Variants in AKAP6 observed in about 807,000 individuals in gnomAD.
The protein encoded by AKAP6 is A-kinase anchor protein 6.
In AKAP6, 58 loss-of-function variants were observed where a neutral mutation model predicts 188.5. The ratio of observed to expected loss-of-function variants is 0.31; its 90% CI spans 0.25 to 0.38. The LOEUF (loss-of-function observed/expected upper bound fraction) is 0.38. AKAP6 is among the 10% of genes least tolerant of loss of function. AKAP6 has a pLI of 1.00. For missense variants in AKAP6, 2,710 were observed against 2,740.0 expected (o/e 0.99, Z 0.24); for synonymous variants, 989 against 998.6 (o/e 0.99, Z 0.18).
At chr14:32,513,499 C>G (rs1020031546) in intron 2 of AKAP6, among the ~76,000 whole-genome samples, 1 of 152,118 alleles carries the variant, frequency 6.6e-6, no homozygotes, top group Non-Finnish European at 1.5e-5. Flanking sequence ...GAGATCCCTG[C>G]TTACACAAAA....
chr14:32,803,293 A>AC (rs1491460193), intron 12 of AKAP6, among the ~76,000 whole-genome samples: 3 of 74,950 alleles, frequency 4.0e-5, no homozygotes, highest in African/African-American at 7.0e-5. Context: ...AAAAAAAAAC[A>AC]AAACAAATAT....
intron 2 of AKAP6, among the ~76,000 whole-genome samples, chr14:32,488,588 C>T (rs1381603678): frequency 1.3e-5 from 2 of 152,166 alleles, no homozygotes; most frequent in Non-Finnish European, 2.9e-5. Flanking sequence ...TGAAAAGAAA[C>T]TCCTGCAGCT....
chr14:32,620,483 G>A (rs1293980923), intron 7 of AKAP6, among the ~76,000 whole-genome samples: 2 of 151,968 alleles, frequency 1.3e-5, no homozygotes, highest in Admixed American at 6.6e-5. Context: ...ACTTGTGTAT[G>A]TTGAATCATC....
At chr14:32,550,935 A>G (rs1216808496) in intron 4 of AKAP6, among the ~76,000 whole-genome samples, 3 of 152,090 alleles carry the variant, frequency 2.0e-5, no homozygotes, top group Admixed American at 2.0e-4. Flanking sequence ...ACTACAGTCT[A>G]TTTCCAATAG....
chr14:32,627,007 C>G (rs191253782), intron 7 of AKAP6, among the ~76,000 whole-genome samples: 1 of 152,238 alleles, frequency 6.6e-6, no homozygotes, highest in Non-Finnish European at 1.5e-5. Flanking sequence ...CTTAATTTCC[C>G]TACATTTGTG....
chr14:32,777,828 A>G (rs1271075469), intron 12 of AKAP6, among the ~76,000 whole-genome samples: 3 of 152,172 alleles, frequency 2.0e-5, no homozygotes, highest in Non-Finnish European at 4.4e-5. Flanking sequence ...GCTTGAGGCC[A>G]GGAGTTCAAG....
At chr14:32,750,552 T>A (rs1384286155) in intron 11 of AKAP6, among the ~76,000 whole-genome samples, 1 of 150,666 alleles carries the variant, frequency 6.6e-6, no homozygotes. Context: ...TAAGACCCCA[T>A]CTCTACAAAA....
chr14:32,543,757 G>A (rs1316214235), intron 3 of AKAP6, among the ~76,000 whole-genome samples: 3 of 152,162 alleles, frequency 2.0e-5, no homozygotes, highest in Non-Finnish European at 4.4e-5. Context: ...TATCTAATGG[G>A]CAGAATACAG....
At chr14:32,820,068 C>A (rs748026024) in intron 12 of AKAP6, among the ~76,000 whole-genome samples, 50 of 152,120 alleles carry the variant, frequency 3.3e-4, no homozygotes, top group Non-Finnish European at 4.7e-4. Context: ...CAGTGCTATC[C>A]CCATTTTACA....
chr14:32,373,991 G>A (rs1181821210), intron 1 of AKAP6, among the ~76,000 whole-genome samples: 1 of 152,182 alleles, frequency 6.6e-6, no homozygotes, highest in African/African-American at 2.4e-5. Flanking sequence ...AAAGATGAGC[G>A]ATAGTAAAAA....
chr14:32,750,326 T>G lies in AKAP6; in HGVS notation c.3372+14444T>G, dbSNP rs555107286. Among the ~76,000 whole-genome samples the G allele has an allele frequency of 1.4e-4, 22 of 152,288 alleles. No individual in the cohort carries two copies. The South Asian group carries it at 3.7e-3, about 26-fold the overall frequency. On this transcript the variant is annotated intron_variant, in intron 11 of 13. Transcript: ENST00000280979. ...TATTTCCCTATTTTTGTTGATATTA[T>G]ATAATCTTAGATTTAATTTTTAGGT...
In AKAP6 at chr14:32,448,172, T is replaced by C. The variant is rs149012586; in HGVS notation, c.324+14355T>C. On this transcript the variant is annotated intron_variant, in intron 2 of 13. Transcript: ENST00000280979. ...TGGCATCCACATCTTATTACTAACT[T>C]TATAACGTGGCAATGCCTCCCTTTC... Among the ~76,000 whole-genome samples the C allele has an allele frequency of 4.1e-3, 624 of 152,302 alleles. 3 individuals carry two copies. The highest frequency in any genetic ancestry group is 6.8e-3 in the Middle Eastern group (2 of 294).
At chr14:32,662,722 G>A (rs1888756450) in intron 7 of AKAP6, among the ~76,000 whole-genome samples, 1 of 152,092 alleles carries the variant, frequency 6.6e-6, no homozygotes, top group Admixed American at 6.6e-5. Flanking sequence ...TAATTAGCAG[G>A]TAATCTGTAG....
At chr14:32,432,058 G>T (rs1256351895) in intron 1 of AKAP6, among the ~76,000 whole-genome samples, 1 of 151,790 alleles carries the variant, frequency 6.6e-6, no homozygotes, top group Non-Finnish European at 1.5e-5. Context: ...AAATAATTTT[G>T]CTTTTCTTTT....
At chr14:32,387,355 T>C (rs963140830) in intron 1 of AKAP6, among the ~76,000 whole-genome samples, 12 of 151,998 alleles carry the variant, frequency 7.9e-5, no homozygotes, top group South Asian at 4.1e-4. Context: ...AGAGTAGGCA[T>C]TCTTGTCTTG....
Position 32,546,467 on chromosome 14 carries a change from A to G in AKAP6, c.1814A>G (p.Lys605Arg), listed in dbSNP as rs1883203870. Residue 605 changes from lysine (K) to arginine (R), a missense_variant, in exon 4 of 14, where the codon AAA becomes AGA. This residue lies in a region of AKAP6 where 2,473 missense variants were observed against 2,426.1 expected (regional missense o/e 1.02). Coordinates refer to ENST00000280979, the MANE Select transcript of AKAP6 (RefSeq NM_004274.5). ...CTTCTTTCAAAACACAAAAGCAAAA[A>G]AGGTCAAGCCTCCTCTCCAAGTCAC... ...VPLLSKHKSK[K>R]GQASSPSHVT... The G allele has an allele frequency of 3.7e-6, 6 of 1,613,988 alleles. No individual in the cohort carries two copies. The highest frequency in any genetic ancestry group is 1.7e-5 in the Admixed American group (1 of 60,000).
rs552089661 is a variant in AKAP6 at position 32,572,477 on chromosome 14, C to A, written c.2347-4643C>A. Reference sequence around the variant, plus strand: ...GCCCCATATATGGCACAAGGAAGGCCCTCCTTTTTATTCTAGCTCCATATG... The same window carrying A: ...GCCCCATATATGGCACAAGGAAGGCACTCCTTTTTATTCTAGCTCCATATG... On this transcript the variant is annotated intron_variant, in intron 4 of 13. Transcript: ENST00000280979. Among the ~76,000 whole-genome samples the A allele has an allele frequency of 1.7e-3, 259 of 152,264 alleles. 1 individual carries two copies. The highest frequency in any genetic ancestry group is 6.1e-3 in the African/African-American group (255 of 41,550).
intron 11 of AKAP6, among the ~76,000 whole-genome samples, chr14:32,748,229 A>T (rs1260459704): frequency 6.6e-6 from 1 of 152,238 alleles, no homozygotes; most frequent in African/African-American, 2.4e-5. Flanking sequence ...AGTGAATCTG[A>T]TCCATCATAG....
intron 7 of AKAP6, among the ~76,000 whole-genome samples, chr14:32,606,294 A>G (rs1886123431): frequency 6.6e-6 from 1 of 152,158 alleles, no homozygotes; most frequent in Admixed American, 6.5e-5. Flanking sequence ...GGATTTCAAA[A>G]CATAGTGAAC....
Sources: gnomAD v4.1 joint callset for allele counts (sites outside exome capture counted in the v4.1 genomes callset) on GRCh38, gnomAD v4.1.1 for gene constraint, gnomAD v4.1.1 regional missense constraint, MANE v1.5 for transcripts, NCBI Gene and HGNC (gene_info 2026-07-23, HGNC 2026-07-21) for gene names.